Variants in GLT8D2 observed in about 807,000 individuals in gnomAD.
The protein encoded by GLT8D2 is glycosyltransferase 8 domain-containing protein 2.
A neutral mutation model predicts 44.5 loss-of-function variants in GLT8D2; 45 were observed. The ratio of observed to expected loss-of-function variants is 1.01; its 90% confidence interval spans 0.80 to 1.30. The LOEUF is 1.30. Among genes scored for constraint, GLT8D2 ranks in the 50% most tolerant of loss-of-function variants. The pLI, the probability that GLT8D2 is intolerant of heterozygous loss-of-function variation, is 0.00. For synonymous variants in GLT8D2, 156 were observed against 157.2 expected (o/e 0.99, Z 0.06); for missense variants, 400 against 430.4 (o/e 0.93, Z 0.62).
rs371157594 is a variant in GLT8D2 at position 104,047,547 on chromosome 12, C to T, written c.-164+2348G>A. Among the ~76,000 whole-genome samples the T allele has an allele frequency of 4.6e-5, 7 of 152,212 alleles. No homozygotes were observed. The East Asian group carries it at 7.7e-4, about 17-fold the overall frequency. Reference sequence around the variant, plus strand: ...TCTCAAACTCCCGACCTCAAGTGATCCACCTGCCTCAGCCTCCCAAAGTGC... The same window carrying T: ...TCTCAAACTCCCGACCTCAAGTGATTCACCTGCCTCAGCCTCCCAAAGTGC... On this transcript the variant is annotated intron_variant, in intron 1 of 10. Coordinates refer to ENST00000360814, the MANE Select transcript of GLT8D2 (RefSeq NM_001384711.1).
chr12:104,045,635 C>T (rs1881001490), intron 1 of GLT8D2, among the ~76,000 whole-genome samples: 1 of 152,068 alleles, frequency 6.6e-6, no homozygotes, highest in South Asian at 2.1e-4. Context: ...TACCAGATGC[C>T]AAAGAGTTTA....
chr12:104,025,311 C>T (rs1379302086), intron 1 of GLT8D2, among the ~76,000 whole-genome samples: 3 of 151,894 alleles, frequency 2.0e-5, no homozygotes, highest in Admixed American at 6.6e-5. Context: ...CAGGCTCAAA[C>T]GATTCTCCTA....
At chr12:104,061,753 G>A (rs763630938) in intron 1 of GLT8D2, among the ~76,000 whole-genome samples, 1 of 152,014 alleles carries the variant, frequency 6.6e-6, no homozygotes, top group Non-Finnish European at 1.5e-5. Flanking sequence ...AAGGTGGGCA[G>A]ATCACCTGAG....
At chr12:104,023,331 C>CT (rs1483452062) in intron 1 of GLT8D2, among the ~76,000 whole-genome samples, 1 of 152,066 alleles carries the variant, frequency 6.6e-6, no homozygotes, top group African/African-American at 2.4e-5. Flanking sequence ...CATACTATTT[C>CT]TTTTTTATTA....
chr12:104,058,603 A>G (rs1348083866), intron 1 of GLT8D2, among the ~76,000 whole-genome samples: 2 of 152,206 alleles, frequency 1.3e-5, no homozygotes, highest in African/African-American at 2.4e-5. Flanking sequence ...AGGTTCAAAG[A>G]GGATAAATAA....
intron 7 of GLT8D2, 103 bp from the exon 8 acceptor site, chr12:103,996,950 G>A (rs1271978294): frequency 1.4e-6 from 1 of 692,832 alleles, no homozygotes; most frequent in South Asian, 2.0e-5. Flanking sequence ...TGGGAGAAGA[G>A]TATTGGATCC....
At chr12:104,016,863 A>AAAGAAAGG (rs1555279006) in intron 3 of GLT8D2, among the ~76,000 whole-genome samples, 4 of 150,896 alleles carry the variant, frequency 2.7e-5, no homozygotes, top group African/African-American at 9.8e-5. Flanking sequence ...AGAAAGAAAG[A>AAAGAAAGG]AAGAAAGAAA....
intron 1 of GLT8D2, among the ~76,000 whole-genome samples, chr12:104,060,941 G>A (rs1338176375): frequency 2.0e-5 from 3 of 151,526 alleles, no homozygotes; most frequent in South Asian, 2.1e-4. Context: ...AAAAAAAAAA[G>A]AAGAGACAGA....
At chr12:104,057,560 T>C (rs1482494038) in intron 1 of GLT8D2, among the ~76,000 whole-genome samples, 1 of 152,162 alleles carries the variant, frequency 6.6e-6, no homozygotes, top group East Asian at 1.9e-4. Flanking sequence ...TATTTCTGTT[T>C]TAAATTATGG....
At chr12:104,038,553 A>G (rs1166317493) in intron 1 of GLT8D2, among the ~76,000 whole-genome samples, 1 of 152,188 alleles carries the variant, frequency 6.6e-6, no homozygotes, top group Non-Finnish European at 1.5e-5. Context: ...CAATTGCTTC[A>G]AAGAGAATAA....
intron 2 of GLT8D2, 106 bp from the exon 3 acceptor site, chr12:104,019,782 T>G: frequency 1.6e-6 from 1 of 634,898 alleles, no homozygotes. Flanking sequence ...TATCGTGAAG[T>G]GTGTGATCAT....
At chr12:104,025,457 C>T (rs1878463576) in intron 1 of GLT8D2, among the ~76,000 whole-genome samples, 1 of 152,090 alleles carries the variant, frequency 6.6e-6, no homozygotes, top group Non-Finnish European at 1.5e-5. Context: ...GATCTGCCTG[C>T]CTTGACTTCT....
intron 10 of GLT8D2, among the ~76,000 whole-genome samples, chr12:103,990,405 A>T (rs549639446): frequency 6.6e-6 from 1 of 152,218 alleles, no homozygotes; most frequent in East Asian, 1.9e-4. Flanking sequence ...TACTCCCCTC[A>T]TAAGTCATGA....
chr12:104,046,151 C>G (rs1321803420), intron 1 of GLT8D2, among the ~76,000 whole-genome samples: 2 of 152,152 alleles, frequency 1.3e-5, no homozygotes, highest in Non-Finnish European at 2.9e-5. Context: ...TTAGACAGAG[C>G]TGACTGTGAA....
chr12:104,020,961 AC>A (rs891609615), intron 2 of GLT8D2, among the ~76,000 whole-genome samples: 3 of 151,224 alleles, frequency 2.0e-5, no homozygotes, highest in Admixed American at 2.0e-4. Context: ...AGTGCATTAA[AC>A]CCCCTCCATC....
chr12:104,027,961 T>C (rs927171627), intron 1 of GLT8D2, among the ~76,000 whole-genome samples: 8 of 152,208 alleles, frequency 5.3e-5, no homozygotes, highest in African/African-American at 1.9e-4. Flanking sequence ...CAGGCAATGC[T>C]GGTCAGCTCT....
intron 4 of GLT8D2, among the ~76,000 whole-genome samples, chr12:104,006,523 A>G (rs962025259): frequency 9.8e-5 from 15 of 152,302 alleles, no homozygotes; most frequent in Middle Eastern, 3.4e-3. Context: ...AGATTTGCAC[A>G]TGAGACCCAT....
intron 1 of GLT8D2, among the ~76,000 whole-genome samples, chr12:104,039,122 T>C (rs1012299060): frequency 6.6e-6 from 1 of 152,158 alleles, no homozygotes; most frequent in South Asian, 2.1e-4. Context: ...ATCCCTTCCT[T>C]ACACCTTATA....
At chr12:104,045,931 G>GA (rs769532016) in intron 1 of GLT8D2, among the ~76,000 whole-genome samples, 1 of 137,048 alleles carries the variant, frequency 7.3e-6, no homozygotes, top group African/African-American at 2.6e-5. Context: ...AAGAAAGAAA[G>GA]AAAGAAAAAG....
Sources: gnomAD v4.1 joint callset for allele counts (sites outside exome capture counted in the v4.1 genomes callset) on GRCh38, gnomAD v4.1.1 for gene constraint, MANE v1.5 for transcripts, NCBI Gene and HGNC (gene_info 2026-07-23, HGNC 2026-07-21) for gene names.